CTTNBP2: variants seen among roughly 807,000 people sequenced by gnomAD.
CTTNBP2 encodes the protein cortactin binding protein 2.
A neutral mutation model predicts 156.9 loss-of-function variants in CTTNBP2; 108 were observed. The observed-to-expected ratio is 0.69, with a 90% CI of 0.59 to 0.81. The LOEUF is 0.81. Ranked by LOEUF, CTTNBP2 falls within the 30% of genes least tolerant of loss-of-function variation. The pLI is 0.00. For missense variants in CTTNBP2, 1,924 were observed against 2,035.4 expected (o/e 0.95, Z 1.05); for synonymous variants, 767 against 751.8 (o/e 1.02, Z -0.33).
intron 19 of CTTNBP2, among the ~76,000 whole-genome samples, chr7:117,722,500 C>T (rs1794857566): frequency 6.6e-6 from 1 of 152,056 alleles, no homozygotes; most frequent in African/African-American, 2.4e-5. Context: ...AAGAATATAA[C>T]ATTTGATATC....
intron 3 of CTTNBP2, among the ~76,000 whole-genome samples, chr7:117,810,522 A>T (rs1440744261): frequency 6.6e-6 from 1 of 152,182 alleles, no homozygotes; most frequent in Admixed American, 6.5e-5. Flanking sequence ...AGAAAGTATC[A>T]AAGTAACCAT....
intron 3 of CTTNBP2, among the ~76,000 whole-genome samples, chr7:117,797,385 A>G (rs1305223653): frequency 6.6e-6 from 1 of 152,222 alleles, no homozygotes; most frequent in Non-Finnish European, 1.5e-5. Flanking sequence ...AGTCTGCAAC[A>G]TATCATATCA....
In CTTNBP2 at chr7:117,784,472, C is replaced by T. The variant is rs1465144822; in HGVS notation, c.2069-18G>A. On this transcript the variant is annotated intron_variant, in intron 4 of 22. Transcript: ENST00000160373. ...TGACCAGCCTGTAGGTTAAAGTGAC[C>T]CTCGTTAGAGAGTAGGAGCAAGGAC... The T allele has an allele frequency of 1.3e-6, 2 of 1,551,244 alleles. No individual in the cohort carries two copies. The highest frequency in any genetic ancestry group is 1.7e-6 in the Non-Finnish European group (2 of 1,152,870).
At chr7:117,780,419 A>T (rs920864398) in intron 7 of CTTNBP2, 22 bp downstream of exon 7, 1 of 1,467,870 alleles carries the variant, frequency 6.8e-7, no homozygotes, top group Non-Finnish European at 9.0e-7. Context: ...ATACAGGGGG[A>T]AAAAAACAGA....
At chr7:117,726,995 A>T (rs973552384) in intron 17 of CTTNBP2, among the ~76,000 whole-genome samples, 1 of 152,234 alleles carries the variant, frequency 6.6e-6, no homozygotes, top group Non-Finnish European at 1.5e-5. Context: ...GGAGAGGTCA[A>T]AAATGATTCC....
intron 12 of CTTNBP2, among the ~76,000 whole-genome samples, chr7:117,747,003 C>T (rs904730042): frequency 2.6e-5 from 4 of 152,142 alleles, no homozygotes; most frequent in Non-Finnish European, 4.4e-5. Flanking sequence ...GAAAGTTAGC[C>T]TCCCACTTCT....
At chr7:117,763,549 CTTCTTCTTTTT>C (rs1797316089) in intron 9 of CTTNBP2, among the ~76,000 whole-genome samples, 2 of 133,160 alleles carry the variant, frequency 1.5e-5, no homozygotes, top group African/African-American at 6.2e-5. Flanking sequence ...TCTTTTTCTT[CTTCTTCTTTTT>C]TTTTTTTTTT....
chr7:117,866,250 G>T (rs1341663152), intron 1 of CTTNBP2, among the ~76,000 whole-genome samples: 1 of 152,066 alleles, frequency 6.6e-6, no homozygotes, highest in East Asian at 1.9e-4. Context: ...GGTTTATGTG[G>T]GGAATTCAAT....
intron 2 of CTTNBP2, among the ~76,000 whole-genome samples, chr7:117,832,389 A>G (rs1352662706): frequency 6.6e-6 from 1 of 152,156 alleles, no homozygotes; most frequent in African/African-American, 2.4e-5. Context: ...TGCTGATAAG[A>G]GGGACTGCCC....
At position 117,850,223 on chromosome 7, in the gene CTTNBP2, A is replaced by C. The variant is rs145499957; in HGVS notation, c.189+10986T>G. Among the ~76,000 whole-genome samples the C allele has an allele frequency of 2.8e-3, 419 of 152,246 alleles. 2 individuals are homozygous for C. Among genetic ancestry groups the C allele is most frequent in the African/African-American group, 9.7e-3 (401 of 41,550 alleles). On this transcript the variant is annotated intron_variant, in intron 2 of 22. Transcript: ENST00000160373. ...AATATACAATAGCCTCCCCTTATCTATGGGGAATATGTGCCAAGACTCTAA... is the reference window on the plus strand; with the variant it reads ...AATATACAATAGCCTCCCCTTATCTCTGGGGAATATGTGCCAAGACTCTAA...
chr7:117,821,406 T>G (rs897483670), intron 2 of CTTNBP2, among the ~76,000 whole-genome samples: 3 of 152,030 alleles, frequency 2.0e-5, no homozygotes, highest in African/African-American at 7.2e-5. Flanking sequence ...CACTTTGAAG[T>G]TCTTTACTAT....
At chr7:117,801,870 A>G (rs1398387415) in intron 3 of CTTNBP2, among the ~76,000 whole-genome samples, 1 of 152,140 alleles carries the variant, frequency 6.6e-6, no homozygotes, top group Non-Finnish European at 1.5e-5. Context: ...AATTATATAA[A>G]AATTAAAAGT....
intron 10 of CTTNBP2, 59 bp downstream of exon 10, chr7:117,760,376 C>G: frequency 6.5e-7 from 1 of 1,530,706 alleles, no homozygotes; most frequent in Non-Finnish European, 9.0e-7. Context: ...GTTATGAAAC[C>G]CACAAACATA....
At chr7:117,760,775 T>TA (rs1797168059) in intron 9 of CTTNBP2, 65 bp from the exon 10 acceptor site, 1 of 1,072,444 alleles carries the variant, frequency 9.3e-7, no homozygotes, top group South Asian at 1.5e-5. Context: ...GTAAAACTAT[T>TA]ACATAAAATA....
intron 8 of CTTNBP2, among the ~76,000 whole-genome samples, chr7:117,777,005 T>G (rs1316144083): frequency 6.6e-6 from 1 of 152,202 alleles, no homozygotes; most frequent in Non-Finnish European, 1.5e-5. Flanking sequence ...ACTACTATAT[T>G]ATACTGTTTC....
chr7:117,739,703 C>A (rs1327553541), intron 14 of CTTNBP2, among the ~76,000 whole-genome samples: 1 of 152,208 alleles, frequency 6.6e-6, no homozygotes, highest in Non-Finnish European at 1.5e-5. Flanking sequence ...CCTTTCAGGA[C>A]AGAAAACAAC....
At chr7:117,770,534 T>C (rs913413901) in intron 8 of CTTNBP2, among the ~76,000 whole-genome samples, 27 of 152,216 alleles carry the variant, frequency 1.8e-4, no homozygotes, top group Non-Finnish European at 3.7e-4. Context: ...TTCCACACTT[T>C]GCAAGTATTC....
chr7:117,808,709 AT>A (rs961288277), intron 3 of CTTNBP2, among the ~76,000 whole-genome samples: 4 of 151,938 alleles, frequency 2.6e-5, no homozygotes, highest in Admixed American at 6.6e-5. Context: ...AAAATAATGG[AT>A]TTTTTTTCCT....
At position 117,845,551 on chromosome 7, in the gene CTTNBP2, T is replaced by C. The variant is rs566355015; in HGVS notation, c.189+15658A>G. 3.9e-5 allele frequency among the ~76,000 whole-genome samples: 6 copies of C among 152,352 alleles called. No homozygotes were observed. The South Asian group carries it at 8.3e-4, about 21-fold the overall frequency. On this transcript the variant is annotated intron_variant, in intron 2 of 22. Transcript: ENST00000160373. ...CTTAAATAGCACAACTATTAAAATA[T>C]CTTGCAGATTATGTCATTTAAAATT...
Sources: gnomAD v4.1 joint callset for allele counts (sites outside exome capture counted in the v4.1 genomes callset) on GRCh38, gnomAD v4.1.1 for gene constraint, MANE v1.5 for transcripts, NCBI Gene and HGNC (gene_info 2026-07-23, HGNC 2026-07-21) for gene names.